The following KMT2C variants were observed in gnomAD, a reference collection of about 807,000 sequenced individuals.
KMT2C encodes lysine methyltransferase 2C, also known as histone-lysine N-methyltransferase 2C.
Under a neutral mutation model 507.9 loss-of-function variants are expected in KMT2C, and 88 were observed. That is an observed-to-expected ratio of 0.17 (90% CI 0.15 to 0.21). KMT2C has a LOEUF of 0.21. Ranked by LOEUF, KMT2C falls within the 10% of genes least tolerant of loss-of-function variation. The pLI is 1.00. For synonymous variants in KMT2C, 2,049 were observed against 2,080.8 expected, an observed-to-expected ratio of 0.98 and a Z score of 0.42; for missense variants, 4,954 against 5,957.8, an observed-to-expected ratio of 0.83 and a Z score of 5.55.
In KMT2C at chr7:152,266,128, ATCTACTAT is replaced by A. The variant is rs1440092000; in HGVS notation, c.1013-927_1013-920del. Among the ~76,000 whole-genome samples the A allele has an allele frequency of 2.0e-5, 3 of 152,256 alleles. No individual in the cohort carries two copies. The East Asian group carries it at 5.8e-4, about 29-fold the overall frequency. Reference sequence around the variant, plus strand: ...ATTTTTTGAAGGTTTGATCATTCCTATCTACTATTCTGACTCATACGTTCTTTCTTTTC... The same window carrying A: ...ATTTTTTGAAGGTTTGATCATTCCTATCTGACTCATACGTTCTTTCTTTTC... On this transcript the variant is annotated intron_variant, in intron 7 of 58. Transcript: ENST00000262189.
chr7:152,175,787 T>C (rs897583376), intron 38 of KMT2C, among the ~76,000 whole-genome samples: 8 of 152,130 alleles, frequency 5.3e-5, no homozygotes, highest in Non-Finnish European at 1.2e-4. Flanking sequence ...ACGCCTGTAA[T>C]CCCAGCACTT....
Position 152,430,382 on chromosome 7 carries a change from A to G in KMT2C, c.161+5244T>C, listed in dbSNP as rs180963695. 4.5e-3 allele frequency among the ~76,000 whole-genome samples: 690 copies of G among 152,286 alleles called. 4 individuals are homozygous for G. Among genetic ancestry groups the G allele is most frequent in the Non-Finnish European group, 7.8e-3 (533 of 68,024 alleles). The stretch of plus-strand genomic sequence containing the variant: ...AAACAATATAGAAAAAAAAAAGTAA[A>G]GGCAAACACAAACTCACACGCTGAC... On this transcript the variant is annotated intron_variant, in intron 1 of 58. Coordinates refer to ENST00000262189, the MANE Select transcript of KMT2C (RefSeq NM_170606.3).
intron 1 of KMT2C, among the ~76,000 whole-genome samples, chr7:152,423,421 T>C (rs938090282): frequency 1.3e-5 from 2 of 152,224 alleles, no homozygotes; most frequent in South Asian, 2.1e-4. Flanking sequence ...TAGCCAATTA[T>C]ATGTAAGAGA....
At chr7:152,195,797 C>CA in intron 28 of KMT2C, 110 bp downstream of exon 28, 1 of 611,104 alleles carries the variant, frequency 1.6e-6, no homozygotes, top group Non-Finnish European at 2.6e-6. Flanking sequence ...AAGCCAAAAA[C>CA]AAAAACACAG....
At chr7:152,370,028 C>T (rs2097281566) in intron 1 of KMT2C, among the ~76,000 whole-genome samples, 1 of 151,990 alleles carries the variant, frequency 6.6e-6, no homozygotes, top group Admixed American at 6.6e-5. Flanking sequence ...CCCGTCTCTA[C>T]TAAAAATACA....
At chr7:152,339,050 G>A (rs544374100) in intron 2 of KMT2C, among the ~76,000 whole-genome samples, 4 of 152,284 alleles carry the variant, frequency 2.6e-5, no homozygotes, top group Admixed American at 2.0e-4. Flanking sequence ...ACTGTGTGTA[G>A]CCTACAAATA....
chr7:152,352,650 G>A (rs369768610), intron 2 of KMT2C, among the ~76,000 whole-genome samples: 9 of 152,186 alleles, frequency 5.9e-5, no homozygotes, highest in Admixed American at 1.3e-4. Flanking sequence ...GTGAATTATC[G>A]GGGGTGAATT....
chr7:152,338,902 CT>C (rs368481122), intron 2 of KMT2C, among the ~76,000 whole-genome samples: 1 of 152,158 alleles, frequency 6.6e-6, no homozygotes, highest in Admixed American at 6.5e-5. Context: ...TAAAAATACT[CT>C]TTTTTAAGCA....
chr7:152,351,858 C>A (rs998637126), intron 2 of KMT2C, among the ~76,000 whole-genome samples: 1 of 152,050 alleles, frequency 6.6e-6, no homozygotes, highest in Non-Finnish European at 1.5e-5. Flanking sequence ...GGATGTATGT[C>A]GCCTCAGGAC....
Position 152,174,243 on chromosome 7 carries a change from C to G in KMT2C, c.9263-1G>C, listed in dbSNP as rs2129110940. ...ATAGGATCTGTAATTGCATCAAAATCTAGAAAAGAAATATAAAGTTACTTA... is the reference window on the plus strand; with the variant it reads ...ATAGGATCTGTAATTGCATCAAAATGTAGAAAAGAAATATAAAGTTACTTA... On this transcript the variant is annotated splice_acceptor_variant, in intron 38 of 58. Transcript: ENST00000262189. LOFTEE classifies it high-confidence loss of function. 6.8e-7 allele frequency: 1 copy of G among 1,471,056 alleles called. No individual in the cohort carries two copies. The highest frequency in any genetic ancestry group is 9.4e-7 in the Non-Finnish European group (1 of 1,058,244). The allele number at this position is 1,471,056 out of a possible 1,614,324, so 91.1% of individuals were successfully genotyped here. A position where few individuals can be genotyped will look rare whatever the true frequency, so the allele number is the denominator to read the frequency against.
intron 6 of KMT2C, among the ~76,000 whole-genome samples, chr7:152,278,798 T>C (rs1345792502): frequency 1.3e-5 from 2 of 152,310 alleles, no homozygotes. Flanking sequence ...AAAGAAGCCA[T>C]AGTCATTAAA....
At chr7:152,413,974 G>A (rs889919255) in intron 1 of KMT2C, among the ~76,000 whole-genome samples, 3 of 152,042 alleles carry the variant, frequency 2.0e-5, no homozygotes, top group Non-Finnish European at 2.9e-5. Flanking sequence ...CTCTCTGGGA[G>A]GCCAAGGCGG....
At chr7:152,253,406 G>A (rs1028398787) in intron 9 of KMT2C, among the ~76,000 whole-genome samples, 5 of 149,200 alleles carry the variant, frequency 3.4e-5, no homozygotes, top group African/African-American at 9.9e-5. Context: ...CTGGTGTGAT[G>A]GTTGATGCCA....
At chr7:152,394,730 T>TTGTTTTGCTCACTGC (rs1192893052) in intron 1 of KMT2C, among the ~76,000 whole-genome samples, 2 of 152,228 alleles carry the variant, frequency 1.3e-5, no homozygotes, top group Non-Finnish European at 2.9e-5. Context: ...GCAATGAACT[T>TTGTTTTGCTCACTGC]TGTTTTGCTC....
At chr7:152,321,510 A>G (rs1175950349) in intron 3 of KMT2C, among the ~76,000 whole-genome samples, 1 of 151,928 alleles carries the variant, frequency 6.6e-6, no homozygotes, top group African/African-American at 2.4e-5. Flanking sequence ...ATGATCTTAT[A>G]TATGGAAAAC....
Position 152,136,927 on chromosome 7 carries a change from GC to G in KMT2C, c.14644-4del. The G allele has an allele frequency of 1.2e-6, 2 of 1,609,582 alleles. No homozygotes were observed. On this transcript the variant is annotated splice_polypyrimidine_tract_variant and splice_region_variant and intron_variant, in intron 58 of 58. Coordinates refer to ENST00000262189, the MANE Select transcript of KMT2C (RefSeq NM_170606.3). ...TCAAACTTATAGTCATAGCAGAGCT[GC>G]CCACGGCAAAGACACAGGGTAAGAA... is the stretch of plus-strand genomic sequence containing the variant.
At chr7:152,276,743 G>A (rs1228621214) in intron 6 of KMT2C, among the ~76,000 whole-genome samples, 2 of 149,702 alleles carry the variant, frequency 1.3e-5, no homozygotes, top group Non-Finnish European at 3.0e-5. Flanking sequence ...ACAAAAGTGA[G>A]AACCAGTCTA....
intron 2 of KMT2C, among the ~76,000 whole-genome samples, chr7:152,331,094 G>A (rs1219535928): frequency 1.3e-5 from 2 of 152,140 alleles, no homozygotes; most frequent in African/African-American, 4.8e-5. Context: ...AATCCCTTGA[G>A]CTCAGGAGTT....
chr7:152,412,819 C>T (rs75460075), intron 1 of KMT2C, among the ~76,000 whole-genome samples: 60 of 147,516 alleles, frequency 4.1e-4, no homozygotes, highest in Non-Finnish European at 3.9e-4. Flanking sequence ...CTTATTGAGG[C>T]CAAGGTCAAG....
Sources: allele counts gnomAD v4.1 joint callset (sites outside exome capture counted in the v4.1 genomes callset), GRCh38; gene constraint gnomAD v4.1.1; transcripts MANE v1.5; gene names NCBI Gene and HGNC (gene_info 2026-07-23, HGNC 2026-07-21).